The following LY96 variants were observed in gnomAD, a reference collection of about 807,000 sequenced individuals.
LY96 encodes myeloid differentiation protein-2.
A neutral mutation model predicts 18.9 loss-of-function variants in LY96; 18 were observed. The ratio of observed to expected loss-of-function variants is 0.95; its 90% CI spans 0.66 to 1.41. LY96 has a LOEUF of 1.41. Ranked by LOEUF, LY96 falls within the 40% of genes most tolerant of loss-of-function variation. The pLI is 0.00. For missense variants in LY96, 175 were observed against 182.4 expected (o/e 0.96, Z 0.23); for synonymous variants, 66 against 62.6 (o/e 1.06, Z -0.26).
the LY96 span, among the ~76,000 whole-genome samples, chr8:74,092,982 C>T: frequency 6.6e-6 from 1 of 152,148 alleles, no homozygotes; most frequent in African/African-American, 2.4e-5. Context: ...AAAAGTCTTT[C>T]ATGGTTTCTT....
the LY96 span, among the ~76,000 whole-genome samples, chr8:74,057,220 C>T: frequency 5.9e-5 from 9 of 152,108 alleles, no homozygotes; most frequent in Non-Finnish European, 8.8e-5. Context: ...ATTGAACATG[C>T]GTATCTCCTC....
downstream of LY96, among the ~76,000 whole-genome samples, chr8:74,029,292 G>A (rs11466005): frequency 7.6e-4 from 116 of 152,268 alleles, no homozygotes; most frequent in African/African-American, 2.7e-3. Flanking sequence ...GGGCAAGAGT[G>A]TTTGTTATGT....
chr8:74,078,920 T>C, the LY96 span, among the ~76,000 whole-genome samples: 1,649 of 151,358 alleles, frequency 0.011, 65 homozygotes, highest in East Asian at 0.14. Context: ...CTCTCTCTCT[T>C]TTTTTGTTCA....
At chr8:74,009,875 T>C in intron 2 of LY96, 126 bp from the exon 3 acceptor site, 2 of 714,016 alleles carry the variant, frequency 2.8e-6, no homozygotes, top group Non-Finnish European at 4.9e-6. Context: ...TTGTAGATAG[T>C]TGTGATGATT....
At chr8:74,044,888 T>C in the LY96 span, among the ~76,000 whole-genome samples, 1 of 152,234 alleles carries the variant, frequency 6.6e-6, no homozygotes, top group Non-Finnish European at 1.5e-5. Flanking sequence ...GAATCCCTTA[T>C]TCTCTATGAA....
At chr8:74,096,009 A>G in the LY96 span, among the ~76,000 whole-genome samples, 3 of 152,138 alleles carry the variant, frequency 2.0e-5, no homozygotes, top group South Asian at 2.1e-4. Context: ...GGACAGCTTC[A>G]TGTGTTTAAG....
At chr8:74,081,182 C>CCCTT in the LY96 span, among the ~76,000 whole-genome samples, 6 of 126,198 alleles carry the variant, frequency 4.8e-5, no homozygotes, top group African/African-American at 1.8e-4. Context: ...TCTTTCTTTT[C>CCCTT]CCTTCCTTCC....
chr8:74,008,078 C>T (rs566986255), intron 2 of LY96, among the ~76,000 whole-genome samples: 247 of 152,246 alleles, frequency 1.6e-3, no homozygotes, highest in Non-Finnish European at 2.9e-3. Context: ...TTGTCTCTCA[C>T]TCCAACACCC....
At chr8:74,034,101 A>G in the LY96 span, among the ~76,000 whole-genome samples, 1 of 152,214 alleles carries the variant, frequency 6.6e-6, no homozygotes, top group East Asian at 1.9e-4. Flanking sequence ...GGCTGGGTGC[A>G]GTGGCTCACA....
Position 74,029,023 on chromosome 8 carries a change from T to A in LY96, c.452T>A (p.Phe151Tyr). 2 of 1,610,976 alleles carry A rather than the reference T, an allele frequency of 1.2e-6. No homozygotes were observed. Among genetic ancestry groups the A allele is most frequent in the Non-Finnish European group, 1.7e-6 (2 of 1,177,810 alleles). ...SPEEMLFCLEFVILHQPNSN is the reference protein window; with the variant it reads ...SPEEMLFCLEYVILHQPNSN ...GAAGAAATGCTCTTTTGCTTGGAGTTTGTCATCCTACACCAACCTAATTCA... is the reference window on the plus strand; with the variant it reads ...GAAGAAATGCTCTTTTGCTTGGAGTATGTCATCCTACACCAACCTAATTCA... The change falls in exon 5 of 5, where the codon TTT (phenylalanine) becomes TAT (tyrosine). Residue 151 changes from phenylalanine to tyrosine, a missense_variant. Physicochemically the swap from Phe to Tyr is conservative, Grantham distance 22. Coordinates refer to ENST00000284818, the MANE Select transcript of LY96 (RefSeq NM_015364.5).
the LY96 span, among the ~76,000 whole-genome samples, chr8:74,092,943 T>C: frequency 2.0e-5 from 3 of 152,224 alleles, no homozygotes; most frequent in Admixed American, 6.5e-5. Flanking sequence ...TTATACCATG[T>C]AATTTGATTT....
chr8:74,004,708 A>G, intron 1 of LY96, 88 bp from the exon 2 acceptor site: 1 of 1,222,148 alleles, frequency 8.2e-7, no homozygotes, highest in Non-Finnish European at 1.2e-6. Context: ...TTAATGCAAG[A>G]TTCATCTTAA....
the LY96 span, among the ~76,000 whole-genome samples, chr8:74,041,047 A>G: frequency 6.6e-6 from 1 of 152,172 alleles, no homozygotes; most frequent in African/African-American, 2.4e-5. Flanking sequence ...AGGGACCCCA[A>G]ACGGAGGGAT....
the LY96 span, among the ~76,000 whole-genome samples, chr8:74,086,373 T>C: frequency 2.6e-5 from 4 of 152,320 alleles, no homozygotes; most frequent in South Asian, 8.3e-4. Context: ...CCGGAAGCCT[T>C]TGCTGAATGA....
the LY96 span, among the ~76,000 whole-genome samples, chr8:74,081,127 TTCCTTCCTTCCTTCCTTC>T: frequency 7.0e-6 from 1 of 143,620 alleles, no homozygotes; most frequent in Non-Finnish European, 1.5e-5. Context: ...CTTTCTTTCC[TTCCTTCCTTCCTTCCTTC>T]TTTCTTTCTT....
the LY96 span, among the ~76,000 whole-genome samples, chr8:74,054,164 C>A: frequency 6.6e-6 from 1 of 151,940 alleles, no homozygotes; most frequent in African/African-American, 2.4e-5. Context: ...AGTAGCTGGG[C>A]CACAGGTGTG....
intron 3 of LY96, among the ~76,000 whole-genome samples, chr8:74,013,117 C>T (rs936177201): frequency 1.6e-4 from 24 of 151,942 alleles, no homozygotes; most frequent in Non-Finnish European, 3.4e-4. Flanking sequence ...TCACCATGTC[C>T]AGCTAATTTT....
At chr8:74,097,452 C>T in the LY96 span, among the ~76,000 whole-genome samples, 3 of 152,086 alleles carry the variant, frequency 2.0e-5, no homozygotes, top group Admixed American at 6.6e-5. Flanking sequence ...TGGCTCATGG[C>T]TGTAATCCCA....
At chr8:74,001,381 G>A (rs181470894) in intron 1 of LY96, among the ~76,000 whole-genome samples, 6 of 152,018 alleles carry the variant, frequency 3.9e-5, no homozygotes, top group Admixed American at 3.9e-4. Context: ...GTGCTGTGCT[G>A]ACATGCCCAG....
Sources: gnomAD v4.1 joint callset for allele counts (sites outside exome capture counted in the v4.1 genomes callset) on GRCh38, gnomAD v4.1.1 for gene constraint, MANE v1.5 for transcripts, NCBI Gene and HGNC (gene_info 2026-07-23, HGNC 2026-07-21) for gene names.